Variants in OR2I1 observed in about 807,000 individuals in gnomAD.
OR2I1 encodes putative olfactory receptor 2I1.
chr6:29,554,367 C>T, the OR2I1 span: 2 of 388,350 alleles, frequency 5.1e-6, no homozygotes, highest in Non-Finnish European at 9.1e-6. Flanking sequence ...TCTATATACT[C>T]AGGTTTAGGG....
the OR2I1 span, chr6:29,554,275 A>G: frequency 5.0e-6 from 2 of 397,594 alleles, no homozygotes; most frequent in Non-Finnish European, 8.8e-6. Context: ...AATCTGCAAG[A>G]TTTGTCCTAA....
chr6:29,556,431 C>T, the OR2I1 span: 3 of 989,548 alleles, frequency 3.0e-6, no homozygotes, highest in African/African-American at 1.6e-5. Flanking sequence ...ATGGCTCCCC[C>T]TCTTCCACTA....
chr6:29,555,916 G>A, the OR2I1 span: 2 of 1,613,054 alleles, frequency 1.2e-6, no homozygotes, highest in Non-Finnish European at 1.7e-6. Flanking sequence ...GGAAGAGTAA[G>A]TTGCCCTTTC....
the OR2I1 span, chr6:29,556,035 C>T: frequency 3.7e-6 from 6 of 1,613,112 alleles, no homozygotes; most frequent in East Asian, 8.9e-5. Flanking sequence ...ATTGCTTTCA[C>T]TTGTGCCACT....
the OR2I1 span, chr6:29,550,824 G>A: frequency 6.6e-6 from 1 of 152,178 alleles, no homozygotes; most frequent in Non-Finnish European, 1.5e-5. Context: ...GAAACTCAAG[G>A]TGTAAACATT....
At chr6:29,556,248 G>A in the OR2I1 span, 2 of 1,613,076 alleles carry the variant, frequency 1.2e-6, no homozygotes, top group Non-Finnish European at 1.7e-6. Flanking sequence ...TCCTGCACAG[G>A]AACCTTGGTC....
At chr6:29,553,642 A>G in the OR2I1 span, 1 of 398,250 alleles carries the variant, frequency 2.5e-6, no homozygotes, top group Non-Finnish European at 4.4e-6. Context: ...CCTATGTCGC[A>G]CGCTGGCCAG....
the OR2I1 span, chr6:29,553,073 A>G: frequency 7.5e-6 from 3 of 397,454 alleles, no homozygotes; most frequent in African/African-American, 6.2e-5. Flanking sequence ...TCATCTGTAA[A>G]TGGGATTACA....
the OR2I1 span, chr6:29,553,577 A>T: frequency 2.5e-6 from 1 of 398,180 alleles, no homozygotes; most frequent in Non-Finnish European, 4.4e-6. Context: ...ATGGCTCTGG[A>T]CCGCGCGGCC....
chr6:29,551,090 T>C, the OR2I1 span, among the ~76,000 whole-genome samples: 1 of 152,240 alleles, frequency 6.6e-6, no homozygotes, highest in Non-Finnish European at 1.5e-5. Context: ...TTTATTATTG[T>C]GTGCCTGTTT....
At chr6:29,553,719 G>C in the OR2I1 span, 1 of 398,600 alleles carries the variant, frequency 2.5e-6, no homozygotes, top group Non-Finnish European at 4.4e-6. Context: ...AGCGGCCGCT[G>C]TGCGCGCCCC....
chr6:29,554,163 G>A, the OR2I1 span: 2 of 398,994 alleles, frequency 5.0e-6, no homozygotes, highest in Non-Finnish European at 8.8e-6. Context: ...AGGCTGGGCA[G>A]TGAGTAGTTG....
the OR2I1 span, chr6:29,553,528 C>T: frequency 2.5e-6 from 1 of 398,564 alleles, no homozygotes; most frequent in East Asian, 3.6e-5. Flanking sequence ...GTGCGCATCG[C>T]TGGCTCTGGG....
At chr6:29,556,341 G>T in the OR2I1 span, 1 of 1,609,568 alleles carries the variant, frequency 6.2e-7, no homozygotes, top group South Asian at 1.1e-5. Flanking sequence ...TCCTCGGAAC[G>T]GACATGCACC....
At chr6:29,556,138 C>T in the OR2I1 span, 16 of 1,613,020 alleles carry the variant, frequency 9.9e-6, no homozygotes, top group African/African-American at 1.6e-4. Flanking sequence ...TGGGCTTCAC[C>T]ACTTTCAGGG....
chr6:29,552,514 C>T, the OR2I1 span, among the ~76,000 whole-genome samples: 2 of 151,850 alleles, frequency 1.3e-5, no homozygotes, highest in Non-Finnish European at 2.9e-5. Context: ...AGTAATCAGC[C>T]GTATAATGGG....
chr6:29,552,358 C>T, the OR2I1 span, among the ~76,000 whole-genome samples: 330 of 152,286 alleles, frequency 2.2e-3, no homozygotes, highest in Non-Finnish European at 4.2e-3. Context: ...ACCAAGATGT[C>T]CTGATATTCT....
chr6:29,556,125 C>T, the OR2I1 span: 2 of 1,613,150 alleles, frequency 1.2e-6, no homozygotes, highest in South Asian at 2.2e-5. Context: ...AGCTCCTCAT[C>T]ACTGGGCTTC....
chr6:29,553,619 T>C, the OR2I1 span: 1 of 398,346 alleles, frequency 2.5e-6, no homozygotes, highest in East Asian at 3.6e-5. Context: ...TATGCGGGGC[T>C]CGTCTCCCCG....
Sources: gnomAD v4.1 joint callset for allele counts (sites outside exome capture counted in the v4.1 genomes callset) on GRCh38, gnomAD v4.1.1 for gene constraint, MANE v1.5 for transcripts, NCBI Gene and HGNC (gene_info 2026-07-23, HGNC 2026-07-21) for gene names.